Variants in MYO3A observed in about 807,000 individuals in gnomAD.
MYO3A encodes the protein myosin-IIIa.
A neutral mutation model predicts 192.7 loss-of-function variants in MYO3A; 180 were observed. That is an observed-to-expected ratio of 0.93 (90% CI 0.83 to 1.06). The LOEUF is 1.06. Among genes scored for constraint, MYO3A ranks in the 50% least tolerant of loss-of-function variants. MYO3A has a pLI of 0.00. For synonymous variants in MYO3A, 628 were observed against 645.3 expected, an observed-to-expected ratio of 0.97 and a Z score of 0.41; for missense variants, 1,896 against 1,905.0, an observed-to-expected ratio of 1.00 and a Z score of 0.09.
chr10:26,175,754 T>TCAGA (rs1232984928), intron 30 of MYO3A, among the ~76,000 whole-genome samples: 1 of 152,178 alleles, frequency 6.6e-6, no homozygotes, highest in Admixed American at 6.5e-5. Flanking sequence ...GGATTAGAAC[T>TCAGA]CAGACCTGCT....
chr10:25,997,375 G>T, intron 6 of MYO3A, 117 bp downstream of exon 6: 1 of 795,234 alleles, frequency 1.3e-6, no homozygotes, highest in Non-Finnish European at 2.2e-6. Flanking sequence ...AAAATCAGTA[G>T]TATCTTATTG....
chr10:26,187,953 T>A (rs374878220), intron 31 of MYO3A, among the ~76,000 whole-genome samples: 1 of 152,142 alleles, frequency 6.6e-6, no homozygotes, highest in Non-Finnish European at 1.5e-5. Flanking sequence ...AATAAACATA[T>A]GTGTGCATGT....
intron 17 of MYO3A, among the ~76,000 whole-genome samples, chr10:26,106,414 C>A (rs1837804475): frequency 6.6e-6 from 1 of 151,846 alleles, no homozygotes; most frequent in African/African-American, 2.4e-5. Context: ...ATGAATTTTC[C>A]AATGGCAGAA....
intron 10 of MYO3A, among the ~76,000 whole-genome samples, chr10:26,052,042 A>G (rs1353053508): frequency 6.6e-6 from 1 of 152,244 alleles, no homozygotes; most frequent in African/African-American, 2.4e-5. Context: ...AGAGTATCAC[A>G]TAGGAATATG....
chr10:26,190,768 A>T (rs1182613209), intron 31 of MYO3A, among the ~76,000 whole-genome samples: 2 of 152,112 alleles, frequency 1.3e-5, no homozygotes, highest in Admixed American at 1.3e-4. Context: ...GGTGAAATGC[A>T]CCCTTCACCT....
At chr10:26,054,317 C>T (rs1844189470) in intron 10 of MYO3A, among the ~76,000 whole-genome samples, 2 of 152,160 alleles carry the variant, frequency 1.3e-5, no homozygotes, top group Admixed American at 1.3e-4. Flanking sequence ...TTATTAAATA[C>T]TCTAGGATTT....
intron 12 of MYO3A, among the ~76,000 whole-genome samples, chr10:26,069,159 GC>G (rs1835039436): frequency 6.6e-6 from 1 of 151,980 alleles, no homozygotes; most frequent in Admixed American, 6.6e-5. Flanking sequence ...CTAAACAGAT[GC>G]CTTTAAAAGC....
chr10:26,066,115 C>G lies in MYO3A; in HGVS notation c.954-860C>G. 5.8e-5 allele frequency among the ~76,000 whole-genome samples: 2 copies of G among 34,510 alleles called. 1 individual carries two copies. The highest frequency in any genetic ancestry group is 1.8e-4 in the Non-Finnish European group (2 of 11,324). 22.6% of individuals were successfully genotyped at this position (34,510 alleles called of 152,430 possible). A position where few individuals can be genotyped will look rare whatever the true frequency, so the allele number is the denominator to read the frequency against. On this transcript the variant is annotated intron_variant, in intron 10 of 34. Coordinates refer to ENST00000642920, the MANE Select transcript of MYO3A (RefSeq NM_017433.5). ...CCAGCCTGGGCGACAGAGCGAAACT[C>G]CGTCTCAAAAAAAAAAAAAAAAAAA...
chr10:26,143,765 C>T (rs1237787401), intron 21 of MYO3A, among the ~76,000 whole-genome samples, 164 bp downstream of exon 21: 1 of 152,172 alleles, frequency 6.6e-6, no homozygotes, highest in Non-Finnish European at 1.5e-5. Context: ...TGGACCAGTG[C>T]ATGTTTATGA....
rs1198477951 is a variant in MYO3A at position 26,043,165 on chromosome 10, C to CTG, written c.953+16634_953+16635insGT. 6.6e-5 allele frequency among the ~76,000 whole-genome samples: 10 copies of CTG among 151,838 alleles called. 1 individual carries two copies. The East Asian group carries it at 1.9e-3, about 29-fold the overall frequency. On this transcript the variant is annotated intron_variant, in intron 10 of 34. Coordinates refer to ENST00000642920, the MANE Select transcript of MYO3A (RefSeq NM_017433.5). ...CCAAACAGAGTCTCTCTCTCTCTCT[C>CTG]TCTCTCTCTCTCTCTCTCTCTGTTC...
At position 26,122,675 on chromosome 10, in the gene MYO3A, A is replaced by C. The variant is rs114146987; in HGVS notation, c.1903+1873A>C. On this transcript the variant is annotated intron_variant, in intron 18 of 34. Coordinates refer to ENST00000642920, the MANE Select transcript of MYO3A (RefSeq NM_017433.5). ...AACCCATCTATCAGTGGGCTCTCTC[A>C]GTCTCCCCCTTTCCCTCTCCATCAC... Among the ~76,000 whole-genome samples the C allele has an allele frequency of 9.4e-3, 1,427 of 152,012 alleles. 22 individuals are homozygous for C. Among genetic ancestry groups the C allele is most frequent in the African/African-American group, 0.032 (1,308 of 41,452 alleles).
intron 20 of MYO3A, among the ~76,000 whole-genome samples, chr10:26,138,610 T>G (rs1839983306): frequency 6.6e-6 from 1 of 152,168 alleles, no homozygotes; most frequent in Non-Finnish European, 1.5e-5. Context: ...TGACTCATAT[T>G]ATTGAAAGGC....
intron 26 of MYO3A, among the ~76,000 whole-genome samples, chr10:26,163,708 G>C (rs1345377417): frequency 6.6e-6 from 1 of 152,176 alleles, no homozygotes; most frequent in Non-Finnish European, 1.5e-5. Flanking sequence ...TGGGCATGTA[G>C]AGTAGGAAGT....
At chr10:26,100,486 A>T (rs532486827) in intron 17 of MYO3A, among the ~76,000 whole-genome samples, 2 of 152,100 alleles carry the variant, frequency 1.3e-5, no homozygotes, top group South Asian at 4.2e-4. Context: ...AGTTCTTTTA[A>T]TTGTGATGTT....
At chr10:26,047,981 AC>A (rs1049470262) in intron 10 of MYO3A, among the ~76,000 whole-genome samples, 44 of 152,232 alleles carry the variant, frequency 2.9e-4, no homozygotes, top group African/African-American at 1.0e-3. Flanking sequence ...TACTCTAAAT[AC>A]ATTTTTGTCA....
At chr10:26,004,694 A>G (rs951807815) in intron 6 of MYO3A, among the ~76,000 whole-genome samples, 1 of 152,174 alleles carries the variant, frequency 6.6e-6, no homozygotes, top group Non-Finnish European at 1.5e-5. Flanking sequence ...TGATGGAGAC[A>G]TGTCAGAAGC....
intron 4 of MYO3A, among the ~76,000 whole-genome samples, chr10:25,990,244 G>A (rs1839927738): frequency 6.6e-6 from 1 of 151,844 alleles, no homozygotes; most frequent in Admixed American, 6.6e-5. Context: ...GTATGTACGG[G>A]TACATGATAT....
intron 10 of MYO3A, among the ~76,000 whole-genome samples, chr10:26,033,937 G>A (rs1435856291): frequency 6.6e-6 from 1 of 152,126 alleles, no homozygotes; most frequent in East Asian, 1.9e-4. Context: ...AGCTGTAAGG[G>A]GAAAACCCAG....
At chr10:26,071,743 G>A (rs1415007163) in intron 14 of MYO3A, among the ~76,000 whole-genome samples, 1 of 152,102 alleles carries the variant, frequency 6.6e-6, no homozygotes, top group Non-Finnish European at 1.5e-5. Context: ...GATATGTATG[G>A]TACGTAAACA....
Sources: allele counts gnomAD v4.1 joint callset (sites outside exome capture counted in the v4.1 genomes callset), GRCh38; gene constraint gnomAD v4.1.1; transcripts MANE v1.5; gene names NCBI Gene and HGNC (gene_info 2026-07-23, HGNC 2026-07-21).